THSD4: variants seen among roughly 807,000 people sequenced by gnomAD.
THSD4 encodes the protein thrombospondin type-1 domain-containing protein 4.
Under a neutral mutation model 119.0 loss-of-function variants are expected in THSD4, and 69 were observed. That is an observed-to-expected ratio of 0.58 (90% CI 0.48 to 0.71). The LOEUF is 0.71. THSD4 is among the 30% of genes least tolerant of loss of function. THSD4 has a pLI of 0.00. For synonymous variants in THSD4, 524 were observed against 540.4 expected, an observed-to-expected ratio of 0.97 and a Z score of 0.42; for missense variants, 1,393 against 1,391.1, an observed-to-expected ratio of 1.00 and a Z score of -0.02.
At chr15:71,375,704 T>C (rs1249600074) in intron 6 of THSD4, among the ~76,000 whole-genome samples, 1 of 152,152 alleles carries the variant, frequency 6.6e-6, no homozygotes, top group Non-Finnish European at 1.5e-5. Flanking sequence ...TGGTTTTATC[T>C]AGTGCAGTGG....
chr15:71,284,996 A>T (rs574599306), intron 6 of THSD4, among the ~76,000 whole-genome samples: 1 of 151,622 alleles, frequency 6.6e-6, no homozygotes, highest in East Asian at 1.9e-4. Context: ...GTCTGCATTG[A>T]CTCGTTTCTT....
chr15:71,777,511 C>T lies in THSD4; in HGVS notation c.*137C>T, dbSNP rs986302794. ...CCAACTTAGTCACCACCCCTGCCTC[C>T]GGTGAATGCACCCCGTGGTACCCAG... On this transcript the variant is annotated 3_prime_UTR_variant, in exon 18 of 18. Transcript: ENST00000261862. The T allele has an allele frequency of 3.5e-5, 43 of 1,212,244 alleles. No individual in the cohort carries two copies. In the East Asian group the frequency reaches 4.6e-4, roughly 13 times the overall value. The allele number at this position is 1,212,244 out of a possible 1,614,324, so 75.1% of individuals were successfully genotyped here. A position where few individuals can be genotyped will look rare whatever the true frequency, so the allele number is the denominator to read the frequency against.
chr15:71,358,965 G>T (rs1452575252), intron 6 of THSD4, among the ~76,000 whole-genome samples: 1 of 152,152 alleles, frequency 6.6e-6, no homozygotes, highest in Non-Finnish European at 1.5e-5. Flanking sequence ...CCTAAGCATA[G>T]CCCACCCTGT....
chr15:71,545,317 C>A (rs977663437), intron 7 of THSD4, among the ~76,000 whole-genome samples: 3 of 152,102 alleles, frequency 2.0e-5, no homozygotes, highest in Non-Finnish European at 4.4e-5. Context: ...CAAAAGATTG[C>A]AGTGGATTGA....
intron 3 of THSD4, among the ~76,000 whole-genome samples, chr15:71,183,597 GTGT>G (rs1329505374): frequency 6.6e-6 from 1 of 151,638 alleles, no homozygotes; most frequent in Non-Finnish European, 1.5e-5. Context: ...ATAGGTGGTG[GTGT>G]TACTGTTGTT....
intron 4 of THSD4, among the ~76,000 whole-genome samples, chr15:71,233,414 A>G (rs997986759): frequency 2.0e-5 from 3 of 152,194 alleles, no homozygotes; most frequent in African/African-American, 7.2e-5. Context: ...CTTTTGGTCA[A>G]TTTGGAAATA....
intron 7 of THSD4, among the ~76,000 whole-genome samples, chr15:71,518,962 T>C (rs541620753): frequency 6.7e-4 from 102 of 152,224 alleles, no homozygotes; most frequent in Non-Finnish European, 9.7e-4. Context: ...TAAAAAATAA[T>C]ATAACATTTT....
chr15:71,623,129 G>T (rs2050448175), intron 7 of THSD4, among the ~76,000 whole-genome samples: 1 of 152,152 alleles, frequency 6.6e-6, no homozygotes, highest in African/African-American at 2.4e-5. Context: ...GGTGCCACTG[G>T]AAAGAATTGG....
intron 4 of THSD4, among the ~76,000 whole-genome samples, chr15:71,235,265 C>T (rs1051673951): frequency 4.6e-5 from 7 of 152,162 alleles, no homozygotes; most frequent in South Asian, 2.1e-4. Flanking sequence ...ACTTAGTCTC[C>T]GGGAAATTTG....
At chr15:71,223,666 A>G (rs911967886) in intron 4 of THSD4, among the ~76,000 whole-genome samples, 6 of 152,320 alleles carry the variant, frequency 3.9e-5, no homozygotes, top group East Asian at 1.9e-4. Context: ...GACAGGTGAA[A>G]GAGGCGTGGT....
intron 16 of THSD4, among the ~76,000 whole-genome samples, chr15:71,765,822 A>G (rs557231586): frequency 3.5e-5 from 5 of 143,078 alleles, no homozygotes; most frequent in Non-Finnish European, 4.7e-5. Context: ...GTGTGTGTGT[A>G]CACTTTTTAA....
At chr15:71,516,033 G>A (rs1028023517) in intron 7 of THSD4, among the ~76,000 whole-genome samples, 1 of 152,132 alleles carries the variant, frequency 6.6e-6, no homozygotes, top group African/African-American at 2.4e-5. Context: ...GCATGCCAAG[G>A]GTTTTTGACC....
intron 6 of THSD4, among the ~76,000 whole-genome samples, chr15:71,327,974 T>A (rs2045369039): frequency 6.6e-6 from 1 of 152,172 alleles, no homozygotes; most frequent in South Asian, 2.1e-4. Context: ...GATGGCCTCT[T>A]TTCCCACAAA....
chr15:71,748,710 A>T, intron 14 of THSD4, 116 bp downstream of exon 14: 5 of 1,214,496 alleles, frequency 4.1e-6, no homozygotes, highest in East Asian at 2.7e-5. Context: ...CTCTGGGGGG[A>T]AAAAAAAGGC....
At chr15:71,678,744 C>T (rs1220891369) in intron 8 of THSD4, among the ~76,000 whole-genome samples, 2 of 152,162 alleles carry the variant, frequency 1.3e-5, no homozygotes, top group Non-Finnish European at 2.9e-5. Context: ...GTCCCCAAGC[C>T]AGACACTATT....
chr15:71,580,027 A>G (rs764590153), intron 7 of THSD4, among the ~76,000 whole-genome samples: 18 of 152,184 alleles, frequency 1.2e-4, no homozygotes, highest in Non-Finnish European at 2.1e-4. Context: ...AAAAAATCAC[A>G]TAATAATATC....
At chr15:71,240,622 G>A (rs1596285968) in intron 4 of THSD4, among the ~76,000 whole-genome samples, 2 of 151,964 alleles carry the variant, frequency 1.3e-5, no homozygotes, top group South Asian at 2.1e-4. Flanking sequence ...CTTCAGCTAG[G>A]GTCTCCATTC....
chr15:71,669,152 C>T (rs1051361590), intron 8 of THSD4, among the ~76,000 whole-genome samples: 2 of 152,124 alleles, frequency 1.3e-5, no homozygotes, highest in Admixed American at 6.5e-5. Context: ...TTCTTCACAC[C>T]GTTACCAAAA....
intron 4 of THSD4, among the ~76,000 whole-genome samples, chr15:71,220,922 A>G (rs182870294): frequency 8.5e-5 from 13 of 152,274 alleles, no homozygotes; most frequent in South Asian, 4.2e-4. Context: ...AGTGAGGGCA[A>G]TGGCAGCCTG....
Sources: allele counts gnomAD v4.1 joint callset (sites outside exome capture counted in the v4.1 genomes callset), GRCh38; gene constraint gnomAD v4.1.1; transcripts MANE v1.5; gene names NCBI Gene and HGNC (gene_info 2026-07-23, HGNC 2026-07-21).